The following CTNND2 variants were observed in gnomAD, a reference collection of about 807,000 sequenced individuals.
CTNND2 encodes the protein catenin delta-2.
A neutral mutation model predicts 144.4 loss-of-function variants in CTNND2; 22 were observed. The observed-to-expected ratio is 0.15, with a 90% CI of 0.11 to 0.22. The LOEUF (loss-of-function observed/expected upper bound fraction) is 0.22, where lower values mean the gene tolerates loss of function less well. Among genes scored for constraint, CTNND2 ranks in the 10% least tolerant of loss-of-function variants. The pLI is 1.00. For synonymous variants in CTNND2, 751 were observed against 695.6 expected (o/e 1.08, Z -1.25); for missense variants, 1,353 against 1,618.8 (o/e 0.84, Z 2.82).
At chr5:11,178,523 C>T (rs750406417) in intron 11 of CTNND2, among the ~76,000 whole-genome samples, 5 of 152,106 alleles carry the variant, frequency 3.3e-5, no homozygotes, top group Admixed American at 2.0e-4. Context: ...GATGATACAA[C>T]TTGAATGGAA....
chr5:11,143,109 G>T (rs1212764021), intron 12 of CTNND2, among the ~76,000 whole-genome samples: 1 of 152,066 alleles, frequency 6.6e-6, no homozygotes, highest in African/African-American at 2.4e-5. Flanking sequence ...TTAACAAAGA[G>T]AAAATAAGAA....
At chr5:11,487,750 G>A (rs1768964008) in intron 3 of CTNND2, among the ~76,000 whole-genome samples, 3 of 152,132 alleles carry the variant, frequency 2.0e-5, no homozygotes, top group Admixed American at 2.0e-4. Flanking sequence ...TGTCTATGGT[G>A]AAAATACTAT....
chr5:11,715,904 G>A (rs1357679137), intron 2 of CTNND2, among the ~76,000 whole-genome samples: 2 of 152,288 alleles, frequency 1.3e-5, no homozygotes, highest in East Asian at 3.9e-4. Context: ...CCAAAGAGTT[G>A]AACAATCAAG....
chr5:11,424,889 A>T (rs1298919966), intron 3 of CTNND2, among the ~76,000 whole-genome samples: 1 of 152,234 alleles, frequency 6.6e-6, no homozygotes, highest in Non-Finnish European at 1.5e-5. Flanking sequence ...ACTTCTGATT[A>T]TCCCTTTGTT....
chr5:11,163,834 G>A (rs569692547), intron 11 of CTNND2, among the ~76,000 whole-genome samples: 40 of 152,216 alleles, frequency 2.6e-4, no homozygotes, highest in South Asian at 2.1e-4. Context: ...CATTCTTCAC[G>A]TTTGCAATTC....
intron 3 of CTNND2, among the ~76,000 whole-genome samples, chr5:11,514,594 C>A (rs1256080653): frequency 6.6e-6 from 1 of 152,160 alleles, no homozygotes; most frequent in Non-Finnish European, 1.5e-5. Context: ...ATAAAAATTT[C>A]TTCGTCTTTA....
intron 18 of CTNND2, among the ~76,000 whole-genome samples, chr5:11,010,784 G>T (rs1740992742): frequency 1.3e-5 from 2 of 152,234 alleles, no homozygotes; most frequent in African/African-American, 4.8e-5. Context: ...AGAGCCTGGT[G>T]TGAGACAGGC....
At chr5:11,681,425 T>C (rs957267162) in intron 2 of CTNND2, among the ~76,000 whole-genome samples, 7 of 152,322 alleles carry the variant, frequency 4.6e-5, no homozygotes, top group African/African-American at 1.7e-4. Context: ...ACATGTGCCC[T>C]GACTTTTCAG....
chr5:11,071,751 C>T (rs1346397636), intron 16 of CTNND2, among the ~76,000 whole-genome samples: 1 of 151,896 alleles, frequency 6.6e-6, no homozygotes, highest in African/African-American at 2.4e-5. Flanking sequence ...GCGCGTGTGT[C>T]CTGGGCTTGT....
chr5:11,854,160 A>G (rs1795147648), intron 1 of CTNND2, among the ~76,000 whole-genome samples: 3 of 152,170 alleles, frequency 2.0e-5, no homozygotes, highest in Non-Finnish European at 2.9e-5. Flanking sequence ...CGTTGTGCTC[A>G]CTGCTCTCTG....
At chr5:11,088,147 CTAGAAAT>C (rs1275655960) in intron 15 of CTNND2, among the ~76,000 whole-genome samples, 2 of 152,190 alleles carry the variant, frequency 1.3e-5, no homozygotes, top group Non-Finnish European at 2.9e-5. Context: ...CAACTGGTAT[CTAGAAAT>C]GCCTTCTGGG....
intron 2 of CTNND2, among the ~76,000 whole-genome samples, chr5:11,640,203 A>T (rs1781927805): frequency 6.6e-6 from 1 of 152,170 alleles, no homozygotes. Context: ...TTAACAAGCA[A>T]CTCTTGGGAA....
At chr5:11,250,475 C>CTG (rs1302253692) in intron 9 of CTNND2, among the ~76,000 whole-genome samples, 5 of 62,360 alleles carry the variant, frequency 8.0e-5, no homozygotes, top group African/African-American at 4.9e-4. Context: ...CTCTCTCTCT[C>CTG]TCTCTCTCTC....
At chr5:11,661,030 T>C (rs1337496200) in intron 2 of CTNND2, among the ~76,000 whole-genome samples, 1 of 152,116 alleles carries the variant, frequency 6.6e-6, no homozygotes, top group African/African-American at 2.4e-5. Flanking sequence ...CAAAAAACAA[T>C]GATAATACTT....
Position 11,841,721 on chromosome 5 carries a change from G to A in CTNND2, c.37+62096C>T, listed in dbSNP as rs150712355. On this transcript the variant is annotated intron_variant, in intron 1 of 21. Transcript: ENST00000304623. ...AATCACATAACCTCTGTATGTCCATGTTTCCTGATCTGTAAAATGAGGAAC... is the reference window on the plus strand; with the variant it reads ...AATCACATAACCTCTGTATGTCCATATTTCCTGATCTGTAAAATGAGGAAC... Among the ~76,000 whole-genome samples, 633 of 152,086 alleles carry A rather than the reference G, an allele frequency of 4.2e-3. 2 individuals carry two copies. The highest frequency in any genetic ancestry group is 6.1e-3 in the Non-Finnish European group (416 of 67,988).
intron 10 of CTNND2, among the ~76,000 whole-genome samples, chr5:11,224,718 T>A (rs1740150397): frequency 6.6e-6 from 1 of 152,208 alleles, no homozygotes; most frequent in South Asian, 2.1e-4. Flanking sequence ...AGTGCTGTTC[T>A]GGAAGGTTCT....
chr5:11,004,660 G>A (rs1740292356), intron 18 of CTNND2, among the ~76,000 whole-genome samples: 1 of 151,830 alleles, frequency 6.6e-6, no homozygotes, highest in Non-Finnish European at 1.5e-5. Context: ...CTACTTGGGA[G>A]GCTGAGGCAG....
intron 9 of CTNND2, among the ~76,000 whole-genome samples, chr5:11,254,298 C>G (rs762012186): frequency 1.6e-4 from 24 of 152,174 alleles, no homozygotes; most frequent in Non-Finnish European, 2.9e-4. Context: ...AATACATACC[C>G]TCTGCTCAAT....
chr5:11,676,464 A>G (rs1456640946), intron 2 of CTNND2, among the ~76,000 whole-genome samples: 3 of 152,094 alleles, frequency 2.0e-5, no homozygotes, highest in Non-Finnish European at 2.9e-5. Context: ...TCCGTGAGTT[A>G]ATATAATGAG....
Sources: gnomAD v4.1 joint callset for allele counts (sites outside exome capture counted in the v4.1 genomes callset) on GRCh38, gnomAD v4.1.1 for gene constraint, MANE v1.5 for transcripts, NCBI Gene and HGNC (gene_info 2026-07-23, HGNC 2026-07-21) for gene names.